Variants in CDK18 observed in about 807,000 individuals in gnomAD.
CDK18 encodes cyclin-dependent kinase 18.
In CDK18, 52 loss-of-function variants were observed where a neutral mutation model predicts 62.0. That is an observed-to-expected ratio of 0.84 (90% CI 0.67 to 1.06). The LOEUF is 1.06. Among genes scored for constraint, CDK18 ranks in the 50% least tolerant of loss-of-function variants. The probability of loss-of-function intolerance (pLI) is 0.00; values close to 1 mark genes in which losing one functional copy is unlikely to be tolerated. For missense variants in CDK18, 604 were observed against 619.9 expected (o/e 0.97, Z 0.27); for synonymous variants, 237 against 247.0 (o/e 0.96, Z 0.38).
At chr1:205,510,204 C>G (rs1343562047) in intron 1 of CDK18, among the ~76,000 whole-genome samples, 1 of 152,134 alleles carries the variant, frequency 6.6e-6, no homozygotes, top group Non-Finnish European at 1.5e-5. Flanking sequence ...CTAAAGAAGC[C>G]TGCCCTTTTC....
At chr1:205,505,670 CG>C (rs1667272036) in intron 1 of CDK18, among the ~76,000 whole-genome samples, 1 of 152,108 alleles carries the variant, frequency 6.6e-6, no homozygotes, top group African/African-American at 2.4e-5. Context: ...CTGTGGGGGG[CG>C]GGGATTCCCT....
At chr1:205,529,990 T>C in intron 13 of CDK18, 1 of 1,398,348 alleles carries the variant, frequency 7.2e-7, no homozygotes, top group Non-Finnish European at 9.3e-7. Context: ...ATGGTTGGTT[T>C]GCATCTGTAT....
At chr1:205,521,741 T>C (rs1668140272) in intron 1 of CDK18, among the ~76,000 whole-genome samples, 1 of 152,224 alleles carries the variant, frequency 6.6e-6, no homozygotes, top group Non-Finnish European at 1.5e-5. Context: ...GAGGACCCTT[T>C]CCAGGCTGGC....
chr1:205,513,728 C>T (rs1233852584), intron 1 of CDK18, among the ~76,000 whole-genome samples: 1 of 152,228 alleles, frequency 6.6e-6, no homozygotes, highest in African/African-American at 2.4e-5. Context: ...CCACAAGCCC[C>T]TCCGAACCCC....
At chr1:205,518,614 C>A (rs1667951163) in intron 1 of CDK18, among the ~76,000 whole-genome samples, 1 of 152,212 alleles carries the variant, frequency 6.6e-6, no homozygotes, top group Non-Finnish European at 1.5e-5. Flanking sequence ...CAGGAAATTG[C>A]TGCGTGATTC....
At chr1:205,508,125 G>A (rs1437520029) in intron 1 of CDK18, among the ~76,000 whole-genome samples, 1 of 152,202 alleles carries the variant, frequency 6.6e-6, no homozygotes, top group African/African-American at 2.4e-5. Context: ...GGCTGGCCTG[G>A]TTCCAGGCCC....
chr1:205,528,651 C>T lies in CDK18; in HGVS notation c.975-348C>T, dbSNP rs1414341175. On this transcript the variant is annotated intron_variant, in intron 10 of 15. Transcript: ENST00000429964. This position sits in a 1 kb window ranked among gnomAD's most constrained non-coding sequence, Gnocchi z 4.2. ...TTCCCCAGGAGAATGGATTTATGTA[C>T]TTCTCTTCCAGTGGGGCACACAGTG... is the stretch of plus-strand genomic sequence containing the variant. 1 of 299,044 alleles carries T rather than the reference C, an allele frequency of 3.3e-6. No individual in the cohort carries two copies. Among genetic ancestry groups the T allele is most frequent in the East Asian group, 5.8e-5 (1 of 17,098 alleles). The allele number at this position is 299,044 out of a possible 1,614,324, so 18.5% of individuals were successfully genotyped here.
intron 1 of CDK18, among the ~76,000 whole-genome samples, chr1:205,512,816 G>A (rs1377560815): frequency 6.6e-6 from 1 of 152,190 alleles, no homozygotes; most frequent in East Asian, 1.9e-4. Context: ...ATAGGAATAT[G>A]GTTTAGAGAT....
At chr1:205,513,350 T>C (rs1667659247) in intron 1 of CDK18, among the ~76,000 whole-genome samples, 1 of 152,324 alleles carries the variant, frequency 6.6e-6, no homozygotes, top group Admixed American at 6.5e-5. Context: ...TGGTCTCTGA[T>C]CTGGGATGTT....
chr1:205,526,709 G>C (rs773674703), intron 7 of CDK18, 66 bp from the exon 8 acceptor site: 24 of 1,462,000 alleles, frequency 1.6e-5, no homozygotes, highest in Admixed American at 3.3e-5. Context: ...CCTCTCCTCA[G>C]CCTGTGTCTG....
chr1:205,518,881 TG>T (rs1376196314), intron 1 of CDK18, among the ~76,000 whole-genome samples: 1 of 152,174 alleles, frequency 6.6e-6, no homozygotes, highest in African/African-American at 2.4e-5. Flanking sequence ...CAACTGGAGC[TG>T]GCTGAGCTTT....
At position 205,524,246 on chromosome 1, in the gene CDK18, G is replaced by A. The variant is rs61733643; in HGVS notation, c.288G>A (p.Arg96=). The change falls in exon 4 of 16, where the codon AGG becomes AGA. Residue 96 remains arginine, a synonymous_variant. Coordinates refer to ENST00000429964, the MANE Select transcript of CDK18 (RefSeq NM_212502.3). ...RRFSMEDVSK[R]LSLPMDIRLP... is the part of the protein sequence containing the mutation. ...TGTCACCACAGGACGTCAGCAAGAG[G>A]CTCTCTCTGCCCATGGATATCCGCC... The A allele has an allele frequency of 1.4e-3, 2,277 of 1,614,152 alleles. 23 individuals are homozygous for A. In the African/African-American group the frequency reaches 0.026, roughly 18 times the overall value.
At chr1:205,519,054 C>T (rs1262112532) in intron 1 of CDK18, among the ~76,000 whole-genome samples, 1 of 152,218 alleles carries the variant, frequency 6.6e-6, no homozygotes, top group Non-Finnish European at 1.5e-5. Context: ...GCACCAATTG[C>T]ACGGGGACAG....
Position 205,517,253 on chromosome 1 carries a change from C to A in CDK18, c.-21-5894C>A, listed in dbSNP as rs2102288226. Among the ~76,000 whole-genome samples the A allele has an allele frequency of 6.6e-6, 1 of 152,310 alleles. No homozygotes were observed. Among genetic ancestry groups the A allele is most frequent in the East Asian group, 1.9e-4 (1 of 5,178 alleles). On this transcript the variant is annotated intron_variant, in intron 1 of 15. Coordinates refer to ENST00000429964, the MANE Select transcript of CDK18 (RefSeq NM_212502.3). The surrounding 1 kb of genome is among the most constrained non-coding windows in gnomAD (Gnocchi z 4.1). Reference sequence around the variant, plus strand: ...CTGCAGTTGTCTAAGTAGGGGGGACCCTGCCTCCCTGGCCCTTCTCCCCCT... The same window carrying A: ...CTGCAGTTGTCTAAGTAGGGGGGACACTGCCTCCCTGGCCCTTCTCCCCCT...
At chr1:205,529,905 C>T (rs1668652305) in intron 13 of CDK18, 1 of 1,376,122 alleles carries the variant, frequency 7.3e-7, no homozygotes, top group African/African-American at 1.5e-5. Context: ...TAGTGTGGTG[C>T]CTGTCTTGTA....
In CDK18 at chr1:205,528,951, G is replaced by T; in HGVS notation, c.975-48G>T. 7.6e-7 allele frequency: 1 copy of T among 1,311,606 alleles called. No homozygotes were observed. The highest frequency in any genetic ancestry group is 1.1e-6 in the Non-Finnish European group (1 of 936,412). The allele number at this position is 1,311,606 out of a possible 1,614,324, so 81.2% of individuals were successfully genotyped here. ...TGCCCTGGTGGAGCAGCCCTAGGAA[G>T]GGCGGCCGCCCCTGCCTGATGCCGA... On this transcript the variant is annotated intron_variant, in intron 10 of 15. Transcript: ENST00000429964. This position sits in a 1 kb window ranked among gnomAD's most constrained non-coding sequence, Gnocchi z 4.2.
chr1:205,523,350 GT>G (rs1436759655), intron 2 of CDK18, 53 bp downstream of exon 2: 5 of 1,611,980 alleles, frequency 3.1e-6, no homozygotes, highest in Non-Finnish European at 4.2e-6. Context: ...ACACTCCCCA[GT>G]CACCTTCCCC....
In CDK18 at chr1:205,526,807, T is replaced by C; in HGVS notation, c.699T>C (p.Cys233=). The change falls in exon 8 of 16, where the codon TGT becomes TGC. Residue 233 remains cysteine, a synonymous_variant. Coordinates refer to ENST00000429964, the MANE Select transcript of CDK18 (RefSeq NM_212502.3). ...ACCTGAAGCAGTATCTGGACCACTG[T>C]GGGAACCTCATGAGCATGCACAACG... ...DSDLKQYLDH[C]GNLMSMHNVK... 1.9e-6 allele frequency: 3 copies of C among 1,614,108 alleles called. No homozygotes were observed. The highest frequency in any genetic ancestry group is 2.2e-5 in the East Asian group (1 of 44,880).
In CDK18 at chr1:205,528,085, C is replaced by T. The variant is rs752100538; in HGVS notation, c.891C>T (p.Tyr297=). ...CCAAGTCAGTGCCCACAAAGACTTA[C>T]TCCAATGAGGTGGTGACCCTGTGGT... The part of the protein sequence containing the change: ...ARAKSVPTKT[Y]SNEVVTLWYR... Residue 297 remains tyrosine, a synonymous_variant, in exon 10 of 16, where the codon TAC becomes TAT. Coordinates refer to ENST00000429964, the MANE Select transcript of CDK18 (RefSeq NM_212502.3). The surrounding 1 kb of genome is among the most constrained non-coding windows in gnomAD (Gnocchi z 4.2). The T allele has an allele frequency of 2.5e-5, 41 of 1,614,076 alleles. No individual in the cohort carries two copies. The highest frequency in any genetic ancestry group is 1.6e-4 in the Middle Eastern group (1 of 6,082).
Sources: gnomAD v4.1 joint callset for allele counts (sites outside exome capture counted in the v4.1 genomes callset) on GRCh38, gnomAD v4.1.1 for gene constraint, Gnocchi (gnomAD v3.1) non-coding constraint, MANE v1.5 for transcripts, NCBI Gene and HGNC (gene_info 2026-07-23, HGNC 2026-07-21) for gene names.